The following SPTA1 variants were observed in gnomAD, a reference collection of about 807,000 sequenced individuals.
SPTA1 encodes spectrin alpha, erythrocytic 1.
In SPTA1, 177 loss-of-function variants were observed where a neutral mutation model predicts 324.7. That is an observed-to-expected ratio of 0.55 (90% CI 0.48 to 0.62). SPTA1 has a LOEUF of 0.62. Among genes scored for constraint, SPTA1 ranks in the 20% least tolerant of loss-of-function variants. The pLI is 0.00. For missense variants in SPTA1, 3,162 were observed against 2,883.6 expected, an observed-to-expected ratio of 1.10 and a Z score of -2.21; for synonymous variants, 1,195 against 1,041.3, an observed-to-expected ratio of 1.15 and a Z score of -2.84.
intron 50 of SPTA1, 45 bp from the exon 51 acceptor site, chr1:158,613,006 A>G (rs767386399): frequency 3.1e-6 from 5 of 1,605,098 alleles, no homozygotes; most frequent in Non-Finnish European, 4.3e-6. Context: ...CAAGGCAGAG[A>G]AGGAAGTCCC....
rs145405080 is a variant in SPTA1 at position 158,626,797 on chromosome 1, G to A, written c.5833+42C>T. 61 of 1,611,798 alleles carry A rather than the reference G, an allele frequency of 3.8e-5. No homozygotes were observed. In the East Asian group the frequency reaches 1.2e-3, roughly 33 times the overall value. ...TCTACACATGGATGGGATTTATTAG[G>A]GTTTCTCAAACCCAAGGGACCCTGA... On this transcript the variant is annotated intron_variant, in intron 41 of 51. Coordinates refer to ENST00000643759, the MANE Select transcript of SPTA1 (RefSeq NM_003126.4).
intron 25 of SPTA1, 139 bp from the exon 26 acceptor site, chr1:158,648,792 G>C (rs1652198605): frequency 7.1e-6 from 6 of 841,534 alleles, no homozygotes; most frequent in Middle Eastern, 3.6e-4. Context: ...TATCATCATT[G>C]TTTTTTATGT....
At chr1:158,637,287 G>A (rs1255296329) in intron 36 of SPTA1, among the ~76,000 whole-genome samples, 2 of 152,126 alleles carry the variant, frequency 1.3e-5, no homozygotes, top group Admixed American at 1.3e-4. Flanking sequence ...CTATCTTATG[G>A]TCTTATCCAA....
In SPTA1 at chr1:158,620,417, T is replaced by C. The variant is rs761106571; in HGVS notation, c.6170A>G (p.Asn2057Ser). The change falls in exon 44 of 52, where the codon AAC (asparagine) becomes AGC (serine). Residue 2057 changes from asparagine (N) to serine (S), a missense_variant. Asn to Ser is a conservative substitution (Grantham distance 46). Coordinates refer to ENST00000643759, the MANE Select transcript of SPTA1 (RefSeq NM_003126.4). ...GTTTTCTTCCATCTTTTCACACCAG[T>C]TGTTCAAAGCTGAAGCCTTATGTGC... ...EFAHKASALN[N>S]WCEKMEENLS... 15 of 1,613,712 alleles carry C rather than the reference T, an allele frequency of 9.3e-6. No homozygotes were observed. The East Asian group carries it at 2.9e-4, about 31-fold the overall frequency.
chr1:158,615,346 C>T lies in SPTA1; in HGVS notation c.6658G>A (p.Gly2220Arg). The change falls in exon 48 of 52, where the codon GGG (glycine) becomes AGG (arginine). Residue 2220 changes from glycine to arginine, a missense_variant. By Grantham distance (125) the Gly-to-Arg change is moderately radical (BLOSUM62 -2). Coordinates refer to ENST00000643759, the MANE Select transcript of SPTA1 (RefSeq NM_003126.4). The stretch of plus-strand genomic sequence containing the variant: ...ATCAGAGCGTCTTCCAAGTTGTCCC[C>T]CAGGTCCACAATCTTGGTTAGTTGA... ...KRQLTKIVDL[G>R]DNLEDALILD... 2 of 1,614,100 alleles carry T rather than the reference C, an allele frequency of 1.2e-6. No homozygotes were observed. The highest frequency in any genetic ancestry group is 1.7e-6 in the Non-Finnish European group (2 of 1,180,014).
intron 16 of SPTA1, 112 bp downstream of exon 16, chr1:158,666,204 A>G: frequency 2.9e-6 from 3 of 1,047,022 alleles, no homozygotes; most frequent in South Asian, 2.8e-5. Flanking sequence ...CCCATTGCTT[A>G]TTATTACTTA....
In SPTA1 at chr1:158,680,725, G is replaced by A; in HGVS notation, c.536C>T (p.Ala179Val). 1 of 1,613,614 alleles carries A rather than the reference G, an allele frequency of 6.2e-7. No individual in the cohort carries two copies. The highest frequency in any genetic ancestry group is 1.3e-5 in the African/African-American group (1 of 75,006). The change falls in exon 5 of 52, where the codon GCT becomes GTT. Residue 179 changes from alanine (A) to valine (V), a missense_variant. Coordinates refer to ENST00000643759, the MANE Select transcript of SPTA1 (RefSeq NM_003126.4). ...ACCTAGCTCCACTGATGTCGCTATA[G>A]CCTCCTGTAGACACAGAAGTTGATT... The part of the protein sequence containing the change: ...DILEWIGDKE[A>V]IATSVELGED...
At position 158,614,273 on chromosome 1, in the gene SPTA1, C is replaced by T; in HGVS notation, c.6822G>A (p.Lys2274=). The part of the protein sequence containing the change: ...DIKGVSEETL[K]EFSTIYKHFD... ...CTCACTTATAGATTGTGCTAAATTC[C>T]TTTAGAGTCTCTTCACTCACACCTT... Residue 2274 remains lysine (K), a synonymous_variant, in exon 49 of 52, where the codon AAG becomes AAA. Transcript: ENST00000643759. 6.3e-7 allele frequency: 1 copy of T among 1,590,180 alleles called. No individual in the cohort carries two copies. Among genetic ancestry groups the T allele is most frequent in the Non-Finnish European group, 8.6e-7 (1 of 1,159,428 alleles).
At chr1:158,670,949 A>T (rs1653978130) in intron 12 of SPTA1, among the ~76,000 whole-genome samples, 1 of 152,092 alleles carries the variant, frequency 6.6e-6, no homozygotes, top group South Asian at 2.1e-4. Context: ...TTCTATTTAC[A>T]CTGAAGAAAA....
chr1:158,636,713 C>G lies in SPTA1; in HGVS notation c.5238G>C (p.Gln1746His), dbSNP rs1426868165. 16 of 1,614,054 alleles carry G rather than the reference C, an allele frequency of 9.9e-6. No individual in the cohort carries two copies. Among genetic ancestry groups the G allele is most frequent in the Admixed American group, 3.3e-5 (2 of 59,998 alleles). Residue 1746 changes from glutamine (Q) to histidine (H), a missense_variant, in exon 37 of 52, where the codon CAG becomes CAC. Physicochemically the swap from Gln to His is conservative, Grantham distance 24. Coordinates refer to ENST00000643759, the MANE Select transcript of SPTA1 (RefSeq NM_003126.4). ...VSSQDYGRDL[Q>H]GVQNLLKKHK... is the part of the protein sequence containing the mutation. ...GCTTCTTCAGCAAGTTCTGAACCCCCTGAAGATCTCTCCCATAGTCCTGGG... is the reference window on the plus strand; with the variant it reads ...GCTTCTTCAGCAAGTTCTGAACCCCGTGAAGATCTCTCCCATAGTCCTGGG...
chr1:158,663,676 C>T (rs1045639797), intron 16 of SPTA1, among the ~76,000 whole-genome samples: 8 of 152,036 alleles, frequency 5.3e-5, no homozygotes, highest in African/African-American at 1.7e-4. Context: ...CTTTTTTTCT[C>T]GTTTGTTCAT....
chr1:158,647,862 A>T, intron 26 of SPTA1, 142 bp from the exon 27 acceptor site: 2 of 893,592 alleles, frequency 2.2e-6, no homozygotes, highest in Non-Finnish European at 3.4e-6. Context: ...ACAAAATAAT[A>T]TCAACCTTTT....
At position 158,672,160 on chromosome 1, in the gene SPTA1, C is replaced by T. The variant is rs375491573; in HGVS notation, c.1387G>A (p.Glu463Lys). Reference sequence around the variant, plus strand: ...TGACGATGACGCTCGTCCCACAGTTCCAGCAGGGCAGTCCAGTTGTTGTCA... The same window carrying T: ...TGACGATGACGCTCGTCCCACAGTTTCAGCAGGGCAGTCCAGTTGTTGTCA... The part of the protein sequence containing the change: ...ILDNNWTALL[E>K]LWDERHRQYE... Residue 463 changes from glutamate to lysine, a missense_variant, in exon 11 of 52, where the codon GAA (glutamate) becomes AAA (lysine). Glu to Lys is a moderately conservative substitution (Grantham distance 56). Coordinates refer to ENST00000643759, the MANE Select transcript of SPTA1 (RefSeq NM_003126.4). 6 of 1,614,028 alleles carry T rather than the reference C, an allele frequency of 3.7e-6. No homozygotes were observed. The South Asian group carries it at 5.5e-5, about 15-fold the overall frequency.
In SPTA1 at chr1:158,685,126, T is replaced by C. The variant is rs201695052; in HGVS notation, c.246A>G (p.Glu82=). Residue 82 remains glutamate (E), a synonymous_variant, in exon 2 of 52, where the codon GAA becomes GAG. Coordinates refer to ENST00000643759, the MANE Select transcript of SPTA1 (RefSeq NM_003126.4). ...KVNILTDKSY[E]DPTNIQGKYQ... is the part of the protein sequence containing the mutation. Reference sequence around the variant, plus strand: ...GAGTGACCTGTATATTAGTTGGGTCTTCATAGCTCTTATCGGTTAAGATAT... The same window carrying C: ...GAGTGACCTGTATATTAGTTGGGTCCTCATAGCTCTTATCGGTTAAGATAT... The C allele has an allele frequency of 6.2e-7, 1 of 1,613,712 alleles. No individual in the cohort carries two copies. Among genetic ancestry groups the C allele is most frequent in the Non-Finnish European group, 8.5e-7 (1 of 1,179,764 alleles).
chr1:158,661,942 T>C (rs758236063), intron 17 of SPTA1, among the ~76,000 whole-genome samples: 1 of 152,234 alleles, frequency 6.6e-6, no homozygotes, highest in Admixed American at 6.5e-5. Context: ...CTTCTCACTG[T>C]GAATTTCCTT....
At chr1:158,650,834 T>G (rs533555266) in intron 24 of SPTA1, among the ~76,000 whole-genome samples, 2 of 152,350 alleles carry the variant, frequency 1.3e-5, no homozygotes, top group East Asian at 3.9e-4. Flanking sequence ...TTTAATTTGG[T>G]GTAGCCTGGT....
rs114026086 is a variant in SPTA1, at chr1:158,619,790, T to C, written c.6417+380A>G. Among the ~76,000 whole-genome samples, 779 of 152,274 alleles carry C rather than the reference T, an allele frequency of 5.1e-3. 3 individuals are homozygous for C. The highest frequency in any genetic ancestry group is 7.5e-3 in the Non-Finnish European group (509 of 68,014). ...TATTAACACAGACAAAAGCTAAAAA[T>C]ACATACGTAGCAAGGCACTTTTGGA... On this transcript the variant is annotated intron_variant, in intron 44 of 51. Transcript: ENST00000643759.
chr1:158,651,504 C>A (rs377456225), intron 23 of SPTA1, 36 bp from the exon 24 acceptor site: 21 of 1,401,824 alleles, frequency 1.5e-5, no homozygotes, highest in Non-Finnish European at 2.0e-5. Context: ...AGTGTAAATT[C>A]ATCCAAAGCA....
rs751501714 is a variant in SPTA1, at chr1:158,669,494, G to C, written c.1747C>G (p.Leu583Val). 1 of 1,614,114 alleles carries C rather than the reference G, an allele frequency of 6.2e-7. No homozygotes were observed. Among genetic ancestry groups the C allele is most frequent in the African/African-American group, 1.3e-5 (1 of 75,026 alleles). Residue 583 changes from leucine to valine, a missense_variant, in exon 14 of 52, where the codon CTT becomes GTT. Coordinates refer to ENST00000643759, the MANE Select transcript of SPTA1 (RefSeq NM_003126.4). Reference sequence around the variant, plus strand: ...GAGTCCTCATACAGTTTTTGCAGAAGCAATGACTCCTTCAGCAATCTACGT... The same window carrying C: ...GAGTCCTCATACAGTTTTTGCAGAACCAATGACTCCTTCAGCAATCTACGT... Reference protein sequence around the residue: ...TRRRLLKESLLLQKLYEDSDD... With the variant: ...TRRRLLKESLVLQKLYEDSDD...
Sources: allele counts gnomAD v4.1 joint callset (sites outside exome capture counted in the v4.1 genomes callset), GRCh38; gene constraint gnomAD v4.1.1; transcripts MANE v1.5; gene names NCBI Gene and HGNC (gene_info 2026-07-23, HGNC 2026-07-21).